The following EVC variants were observed in gnomAD, a reference collection of about 807,000 sequenced individuals.
EVC encodes the protein EvC ciliary complex subunit 1.
EVC carries 116 observed loss-of-function variants against 118.9 expected under a neutral mutation model. That is an observed-to-expected ratio of 0.98 (90% CI 0.84 to 1.14). EVC has a LOEUF of 1.14. EVC is among the 50% of genes most tolerant of loss of function. The pLI is 0.00. For missense variants in EVC, 1,401 were observed against 1,246.4 expected (o/e 1.12, Z -1.87); for synonymous variants, 619 against 534.7 (o/e 1.16, Z -2.18).
chr4:5,745,113 T>C (rs1729156839), intron 6 of EVC, 91 bp from the exon 7 acceptor site: 18 of 1,318,524 alleles, frequency 1.4e-5, no homozygotes, highest in Non-Finnish European at 1.9e-5. Flanking sequence ...TTGTGAAATT[T>C]GAAAAATAAA....
chr4:5,714,031 C>T (rs929072565), intron 1 of EVC, among the ~76,000 whole-genome samples: 1 of 152,240 alleles, frequency 6.6e-6, no homozygotes, highest in South Asian at 2.1e-4. Context: ...GCTCTCCAGC[C>T]ACTCAAGACA....
At chr4:5,802,244 C>G in intron 16 of EVC, 150 bp downstream of exon 16, 1 of 1,172,930 alleles carries the variant, frequency 8.5e-7, no homozygotes, top group East Asian at 2.6e-5. Flanking sequence ...TGCTTTGTCT[C>G]AAAAAGCCTT....
rs772871600 is a variant in EVC, at chr4:5,810,451, G to A, written c.2894+1G>A. ...GGGACCAGACCTCAGGCTCACTCAG[G>A]TATGACTGGGCCCCGGACCTGTTGC... On this transcript the variant is annotated splice_donor_variant, in intron 20 of 20. Transcript: ENST00000264956. LOFTEE classifies it high-confidence loss of function. 6.2e-7 allele frequency: 1 copy of A among 1,607,724 alleles called. No homozygotes were observed. The highest frequency in any genetic ancestry group is 8.5e-7 in the Non-Finnish European group (1 of 1,177,266).
chr4:5,745,159 C>G lies in EVC; in HGVS notation c.802-45C>G, dbSNP rs754158651. On this transcript the variant is annotated intron_variant, in intron 6 of 20. Coordinates refer to ENST00000264956, the MANE Select transcript of EVC (RefSeq NM_153717.3). ...TTTCTAGAATTTAAGACACGCTAAA[C>G]TTTTTCTTTGTTTATTTGCTTTCTT... 22 of 1,594,092 alleles carry G rather than the reference C, an allele frequency of 1.4e-5. 1 individual carries two copies. The highest frequency in any genetic ancestry group is 6.8e-5 in the South Asian group (6 of 88,054).
chr4:5,726,428 G>A (rs1285330253), intron 2 of EVC, among the ~76,000 whole-genome samples: 1 of 152,204 alleles, frequency 6.6e-6, no homozygotes, highest in East Asian at 1.9e-4. Context: ...TGCAGAGGAT[G>A]TGGGGATATA....
Position 5,798,935 on chromosome 4 carries a change from C to A in EVC, c.2304+143C>A. The A allele has an allele frequency of 1.1e-6, 1 of 925,810 alleles. No individual in the cohort carries two copies. The highest frequency in any genetic ancestry group is 1.7e-6 in the Non-Finnish European group (1 of 578,934). The allele number at this position is 925,810 out of a possible 1,614,324, so 57.3% of individuals were successfully genotyped here. Reference sequence around the variant, plus strand: ...CCTGACTTCTCCATGACTTGATTTTCTCATCTGTAAGGTGGGATCTTCTCC... The same window carrying A: ...CCTGACTTCTCCATGACTTGATTTTATCATCTGTAAGGTGGGATCTTCTCC... On this transcript the variant is annotated intron_variant, in intron 15 of 20. Transcript: ENST00000264956. The surrounding 1 kb of genome is among the most constrained non-coding windows in gnomAD (Gnocchi z 4.1).
chr4:5,756,116 C>A lies in EVC; in HGVS notation c.1465-148C>A. 7.4e-6 allele frequency: 5 copies of A among 679,068 alleles called. No homozygotes were observed. In the South Asian group the frequency reaches 8.2e-5, roughly 11 times the overall value. The allele number at this position is 679,068 out of a possible 1,614,324, so 42.1% of individuals were successfully genotyped here. A position where few individuals can be genotyped will look rare whatever the true frequency, so the allele number is the denominator to read the frequency against. On this transcript the variant is annotated intron_variant, in intron 10 of 20. Transcript: ENST00000264956. The surrounding 1 kb of genome is among the most constrained non-coding windows in gnomAD (Gnocchi z 4.2). Reference sequence around the variant, plus strand: ...ATCAGCTGTGAAAGCCATGTGACAGCCCCATGCCTCAGTTTCCTTGTGTGT... The same window carrying A: ...ATCAGCTGTGAAAGCCATGTGACAGACCCATGCCTCAGTTTCCTTGTGTGT...
At position 5,811,440 on chromosome 4, in the gene EVC, C is replaced by T. The variant is rs1021939546; in HGVS notation, c.*403C>T. ...GAGGACACACAGATACATAATGACA[C>T]CTGCAGAAATGTATTCTCTGAGGAC... On this transcript the variant is annotated 3_prime_UTR_variant, in exon 21 of 21. Coordinates refer to ENST00000264956, the MANE Select transcript of EVC (RefSeq NM_153717.3). 7.6e-6 allele frequency: 2 copies of T among 264,246 alleles called. No individual in the cohort carries two copies. Among genetic ancestry groups the T allele is most frequent in the African/African-American group, 4.5e-5 (2 of 44,636 alleles). The allele number at this position is 264,246 out of a possible 1,614,324, so 16.4% of individuals were successfully genotyped here.
At chr4:5,734,027 T>C (rs1727273342) in intron 5 of EVC, among the ~76,000 whole-genome samples, 1 of 152,060 alleles carries the variant, frequency 6.6e-6, no homozygotes, top group Non-Finnish European at 1.5e-5. Context: ...CTCAGAACTG[T>C]GGATGTGGGG....
intron 3 of EVC, among the ~76,000 whole-genome samples, chr4:5,730,273 G>A (rs1204494599): frequency 2.6e-5 from 4 of 152,166 alleles, no homozygotes; most frequent in African/African-American, 9.7e-5. Context: ...TTAGGATCTT[G>A]TCAATTATTA....
intron 8 of EVC, among the ~76,000 whole-genome samples, chr4:5,750,499 G>C (rs1314348724): frequency 6.6e-6 from 1 of 152,188 alleles, no homozygotes; most frequent in Non-Finnish European, 1.5e-5. Context: ...GCAGAGGTTA[G>C]GAATGCAGGC....
chr4:5,819,922 G>A, the EVC span, among the ~76,000 whole-genome samples: 61 of 152,292 alleles, frequency 4.0e-4, no homozygotes, highest in African/African-American at 1.2e-3. Flanking sequence ...GCCGAGGAGC[G>A]GGGGAGGAGA....
At position 5,804,772 on chromosome 4, in the gene EVC, T is replaced by G. The variant is rs766686254; in HGVS notation, c.2492T>G (p.Leu831Arg). 12 of 1,613,978 alleles carry G rather than the reference T, an allele frequency of 7.4e-6. No homozygotes were observed. The highest frequency in any genetic ancestry group is 2.7e-5 in the African/African-American group (2 of 74,894). The change falls in exon 17 of 21, where the codon CTC becomes CGC. Residue 831 changes from leucine (L) to arginine (R), a missense_variant. Leu to Arg is a moderately radical substitution (Grantham distance 102). Coordinates refer to ENST00000264956, the MANE Select transcript of EVC (RefSeq NM_153717.3). ...TACAAACTGCGGAAAAAGCAAGAACTCAGCAACCCTTCGTCGGGCAGCAGG... is the reference window on the plus strand; with the variant it reads ...TACAAACTGCGGAAAAAGCAAGAACGCAGCAACCCTTCGTCGGGCAGCAGG... ...ENYKLRKKQE[L>R]SNPSSGSRTA...
chr4:5,775,617 A>G (rs1734608200), intron 11 of EVC, among the ~76,000 whole-genome samples: 1 of 152,198 alleles, frequency 6.6e-6, no homozygotes, highest in African/African-American at 2.4e-5. Flanking sequence ...GTTGTAGTTC[A>G]TTCTTCCTCA....
chr4:5,720,170 G>C (rs773501082), intron 2 of EVC, among the ~76,000 whole-genome samples: 14 of 152,096 alleles, frequency 9.2e-5, no homozygotes, highest in Non-Finnish European at 1.8e-4. Flanking sequence ...AGTACTGCAG[G>C]CTTCATCTTC....
At chr4:5,777,805 G>A (rs1734929275) in intron 11 of EVC, among the ~76,000 whole-genome samples, 1 of 151,236 alleles carries the variant, frequency 6.6e-6, no homozygotes, top group East Asian at 1.9e-4. Flanking sequence ...GCATTCATTA[G>A]GTTGAATTAA....
intron 11 of EVC, among the ~76,000 whole-genome samples, chr4:5,757,378 T>C (rs1731327719): frequency 6.6e-6 from 1 of 152,182 alleles, no homozygotes; most frequent in South Asian, 2.1e-4. Context: ...GAGAAGCTCA[T>C]GCAGTGGTGG....
At position 5,797,167 on chromosome 4, in the gene EVC, C is replaced by T. The variant is rs767480367; in HGVS notation, c.2032C>T (p.Arg678Cys). 13 of 1,613,408 alleles carry T rather than the reference C, an allele frequency of 8.1e-6. No individual in the cohort carries two copies. The East Asian group carries it at 1.1e-4, about 14-fold the overall frequency. ...CCTCCTGCAGGAGCTGCGGGAACAG[C>T]GTGCACTGGAGCAGGGGTCCTCCCA... is the stretch of plus-strand genomic sequence containing the variant. Reference protein sequence around the residue: ...KHLLQELREQRALEQGSSQCL... With the variant: ...KHLLQELREQCALEQGSSQCL... The change falls in exon 14 of 21, where the codon CGT (arginine) becomes TGT (cysteine). Residue 678 changes from arginine to cysteine, a missense_variant. Physicochemically the swap from Arg to Cys is radical, Grantham distance 180. Coordinates refer to ENST00000264956, the MANE Select transcript of EVC (RefSeq NM_153717.3).
At chr4:5,748,407 C>T in intron 8 of EVC, 101 bp downstream of exon 8, 4 of 1,340,730 alleles carry the variant, frequency 3.0e-6, no homozygotes, top group Non-Finnish European at 4.1e-6. Context: ...CATGTTGTAG[C>T]TGGTTATATA....
Sources: allele counts gnomAD v4.1 joint callset (sites outside exome capture counted in the v4.1 genomes callset), GRCh38; gene constraint gnomAD v4.1.1; non-coding constraint Gnocchi (gnomAD v3.1); transcripts MANE v1.5; gene names NCBI Gene and HGNC (gene_info 2026-07-23, HGNC 2026-07-21).